The following JMY variants were observed in gnomAD, a reference collection of about 807,000 sequenced individuals.
The protein encoded by JMY is junction-mediating and -regulatory protein.
Under a neutral mutation model 103.3 loss-of-function variants are expected in JMY, and 46 were observed. The ratio of observed to expected loss-of-function variants is 0.45; its 90% confidence interval spans 0.35 to 0.57. The LOEUF (loss-of-function observed/expected upper bound fraction) is 0.57, where lower values mean the gene tolerates loss of function less well. JMY is among the 20% of genes least tolerant of loss of function. The probability of loss-of-function intolerance (pLI) is 0.00; values close to 1 mark genes in which losing one functional copy is unlikely to be tolerated. For synonymous variants in JMY, 526 were observed against 489.3 expected, an observed-to-expected ratio of 1.07 and a Z score of -0.99; for missense variants, 1,238 against 1,255.2, an observed-to-expected ratio of 0.99 and a Z score of 0.21.
intron 1 of JMY, among the ~76,000 whole-genome samples, chr5:79,272,877 C>T (rs1745825790): frequency 2.0e-5 from 3 of 152,162 alleles, no homozygotes; most frequent in Admixed American, 2.0e-4. Flanking sequence ...CTCAAGTGAT[C>T]CACCTGCCTC....
At chr5:79,249,897 A>G (rs918723472) in intron 1 of JMY, among the ~76,000 whole-genome samples, 1 of 152,066 alleles carries the variant, frequency 6.6e-6, no homozygotes, top group Non-Finnish European at 1.5e-5. Flanking sequence ...CCTCACTTCT[A>G]CTTTCCACTA....
At chr5:79,271,173 C>G (rs763295063) in intron 1 of JMY, among the ~76,000 whole-genome samples, 1 of 151,450 alleles carries the variant, frequency 6.6e-6, no homozygotes, top group African/African-American at 2.4e-5. Context: ...TCAAGCAAGT[C>G]TCCCACCACA....
At position 79,236,899 on chromosome 5, in the gene JMY, CCCGG is replaced by C. The variant is rs904473060; in HGVS notation, c.251_254del (p.Pro84ArgfsTer98). On this transcript the variant is annotated frameshift_variant, in exon 1 of 11. Coordinates refer to ENST00000396137, the MANE Select transcript of JMY (RefSeq NM_152405.5). LOFTEE classifies it high-confidence loss of function. ...CCGACGGGAGCCGCGGGCCCGGCAG[CCCGG>C]CGGGCAGGGGTCGGCCCGAGGCCAC... is the stretch of plus-strand genomic sequence containing the variant. The C allele has an allele frequency of 7.4e-7, 1 of 1,359,216 alleles. No individual in the cohort carries two copies. Among genetic ancestry groups the C allele is most frequent in the African/African-American group, 1.5e-5 (1 of 65,030 alleles). 84.2% of individuals were successfully genotyped at this position (1,359,216 alleles called of 1,614,324 possible). A position where few individuals can be genotyped will look rare whatever the true frequency, so the allele number is the denominator to read the frequency against.
intron 1 of JMY, among the ~76,000 whole-genome samples, chr5:79,276,729 C>T (rs1745947868): frequency 6.6e-6 from 1 of 152,160 alleles, no homozygotes; most frequent in Non-Finnish European, 1.5e-5. Flanking sequence ...GCCTCAGCCT[C>T]CCGAGTGGCT....
chr5:79,300,341 T>C (rs368821676), intron 5 of JMY, 23 bp downstream of exon 5: 3 of 1,486,726 alleles, frequency 2.0e-6, no homozygotes, highest in African/African-American at 2.9e-5. Flanking sequence ...TTTAACCACA[T>C]AAGTTCACCA....
intron 1 of JMY, among the ~76,000 whole-genome samples, chr5:79,248,275 A>T (rs1216265624): frequency 6.6e-6 from 1 of 151,290 alleles, no homozygotes; most frequent in Non-Finnish European, 1.5e-5. Context: ...TTTCCATTTT[A>T]AATAGTCCAT....
chr5:79,267,931 G>A (rs1488399007), intron 1 of JMY, among the ~76,000 whole-genome samples: 1 of 152,210 alleles, frequency 6.6e-6, no homozygotes, highest in Admixed American at 6.5e-5. Context: ...AGGTGGTAAG[G>A]TATGTGTAGT....
At chr5:79,305,139 A>G (rs1312911150) in intron 6 of JMY, among the ~76,000 whole-genome samples, 1 of 152,174 alleles carries the variant, frequency 6.6e-6, no homozygotes, top group Non-Finnish European at 1.5e-5. Flanking sequence ...TTATTATTTG[A>G]CTTTCTCTAA....
At chr5:79,267,602 A>G (rs1223842059) in intron 1 of JMY, among the ~76,000 whole-genome samples, 1 of 152,218 alleles carries the variant, frequency 6.6e-6, no homozygotes, top group Admixed American at 6.5e-5. Flanking sequence ...TTTTATACAG[A>G]TGGGATCTCC....
intron 7 of JMY, among the ~76,000 whole-genome samples, chr5:79,308,635 T>C (rs1236457053): frequency 1.3e-5 from 2 of 152,206 alleles, no homozygotes; most frequent in Non-Finnish European, 2.9e-5. Flanking sequence ...GCTGGGATTT[T>C]GATTGGGACA....
intron 1 of JMY, 34 bp from the exon 2 acceptor site, chr5:79,277,876 A>G (rs768365413): frequency 1.3e-5 from 21 of 1,581,922 alleles, no homozygotes; most frequent in Non-Finnish European, 1.8e-5. Context: ...ATTAGAATTG[A>G]TTTTCTTAGT....
chr5:79,321,469 C>A (rs749799458), intron 10 of JMY, 137 bp from the exon 11 acceptor site: 6 of 152,018 alleles, frequency 3.9e-5, no homozygotes, highest in Non-Finnish European at 8.8e-5. Context: ...ATTTTGTTTT[C>A]ATTTTTACTG....
At chr5:79,270,687 T>A (rs1316059719) in intron 1 of JMY, among the ~76,000 whole-genome samples, 2 of 142,730 alleles carry the variant, frequency 1.4e-5, no homozygotes, top group Admixed American at 7.3e-5. Context: ...ATATTTATAT[T>A]AATATATTTA....
chr5:79,278,585 CA>C (rs34278536), intron 2 of JMY, among the ~76,000 whole-genome samples: 420 of 57,232 alleles, frequency 7.3e-3, no homozygotes, highest in African/African-American at 0.014. Context: ...CCCGTCTCTA[CA>C]AAAAAAAAAA....
chr5:79,293,076 G>C (rs1746468811), intron 4 of JMY, among the ~76,000 whole-genome samples: 1 of 152,102 alleles, frequency 6.6e-6, no homozygotes, highest in East Asian at 1.9e-4. Flanking sequence ...TGCCAGTAGA[G>C]GTTTTGCAAA....
chr5:79,240,810 T>A (rs957038150), intron 1 of JMY, among the ~76,000 whole-genome samples: 1 of 152,250 alleles, frequency 6.6e-6, no homozygotes, highest in African/African-American at 2.4e-5. Flanking sequence ...TTAAGCTAAT[T>A]AAATTTAACT....
intron 6 of JMY, among the ~76,000 whole-genome samples, chr5:79,302,215 C>T (rs1200971910): frequency 6.6e-6 from 1 of 151,660 alleles, no homozygotes; most frequent in Non-Finnish European, 1.5e-5. Context: ...TTATATATTA[C>T]TTTTAGGTGT....
chr5:79,255,123 C>T (rs1202027656), intron 1 of JMY, among the ~76,000 whole-genome samples: 5 of 84,644 alleles, frequency 5.9e-5, no homozygotes, highest in South Asian at 9.2e-4. Context: ...ACATATCTCT[C>T]TCTCCTTTTT....
chr5:79,264,886 G>C (rs141703830), intron 1 of JMY, among the ~76,000 whole-genome samples: 266 of 152,270 alleles, frequency 1.7e-3, no homozygotes, highest in African/African-American at 5.5e-3. Flanking sequence ...GTGAGAGAAA[G>C]AGTGGGAAAA....
Sources: allele counts gnomAD v4.1 joint callset (sites outside exome capture counted in the v4.1 genomes callset), GRCh38; gene constraint gnomAD v4.1.1; transcripts MANE v1.5; gene names NCBI Gene and HGNC (gene_info 2026-07-23, HGNC 2026-07-21).